IL15: variants seen among roughly 807,000 people sequenced by gnomAD.
IL15 encodes the protein interleukin 15.
Under a neutral mutation model 19.6 loss-of-function variants are expected in IL15, and 11 were observed. The observed-to-expected ratio is 0.56, with a 90% confidence interval of 0.35 to 0.93. The LOEUF (loss-of-function observed/expected upper bound fraction) is 0.93. Ranked by LOEUF, IL15 falls within the 40% of genes least tolerant of loss-of-function variation. The pLI is 0.01. For missense variants in IL15, 197 were observed against 186.5 expected, an observed-to-expected ratio of 1.06 and a Z score of -0.33; for synonymous variants, 58 against 59.6, an observed-to-expected ratio of 0.97 and a Z score of 0.12.
At chr4:141,705,838 A>C (rs1299337504) in intron 2 of IL15, among the ~76,000 whole-genome samples, 1 of 151,330 alleles carries the variant, frequency 6.6e-6, no homozygotes, top group Non-Finnish European at 1.5e-5. Flanking sequence ...GACCTTCTTT[A>C]CCTCTTTTTA....
rs753144428 is a variant in IL15, at chr4:141,732,836, CA to C, written c.479del (p.Asn160ThrfsTer7). 2 of 1,608,858 alleles carry C rather than the reference CA, an allele frequency of 1.2e-6. No homozygotes were observed. Among genetic ancestry groups the C allele is most frequent in the Non-Finnish European group, 1.7e-6 (2 of 1,178,634 alleles). Reference protein sequence around the residue: ...SFVHIVQMFINTS With the variant: ...SFVHIVQMFIXTS ...TTGTACATATTGTCCAAATGTTCAT[CA>C]ACACTTCTTGATTGCAATTGATTCT... On this transcript the variant is annotated frameshift_variant, in exon 8 of 8. Transcript: ENST00000320650. LOFTEE classifies it high-confidence loss of function.
rs765662590 is a variant in IL15 at position 141,732,858 on chromosome 4, A to T, written c.*10A>T. The T allele has an allele frequency of 6.2e-7, 1 of 1,604,760 alleles. No individual in the cohort carries two copies. Among genetic ancestry groups the T allele is most frequent in the East Asian group, 2.2e-5 (1 of 44,514 alleles). ...CATCAACACTTCTTGATTGCAATTG[A>T]TTCTTTTTAAAGTGTTTCTGTTATT... On this transcript the variant is annotated 3_prime_UTR_variant, in exon 8 of 8. Coordinates refer to ENST00000320650, the MANE Select transcript of IL15 (RefSeq NM_000585.5).
At chr4:141,653,133 G>C (rs1727467083) in intron 1 of IL15, among the ~76,000 whole-genome samples, 2 of 152,192 alleles carry the variant, frequency 1.3e-5, no homozygotes, top group Middle Eastern at 6.8e-3. Context: ...GGCACCACTG[G>C]AAAATTGTTT....
At chr4:141,660,935 C>T (rs2152161737) in intron 2 of IL15, among the ~76,000 whole-genome samples, 1 of 152,252 alleles carries the variant, frequency 6.6e-6, no homozygotes. Flanking sequence ...ACACCTTCAT[C>T]ATCTCTATGT....
At chr4:141,693,450 T>C (rs1380369972) in intron 2 of IL15, among the ~76,000 whole-genome samples, 1 of 152,216 alleles carries the variant, frequency 6.6e-6, no homozygotes, top group Non-Finnish European at 1.5e-5. Context: ...CCATAGTGCC[T>C]GACACATACG....
chr4:141,727,919 T>C (rs765293897), intron 5 of IL15, 21 bp from the exon 6 acceptor site: 1 of 1,025,210 alleles, frequency 9.8e-7, no homozygotes, highest in South Asian at 1.4e-5. Context: ...TTTAATATTG[T>C]CTAATTTTGT....
chr4:141,694,048 TAAA>T (rs1729011739), intron 2 of IL15, among the ~76,000 whole-genome samples: 1 of 152,188 alleles, frequency 6.6e-6, no homozygotes, highest in Non-Finnish European at 1.5e-5. Flanking sequence ...TGAGAAAGTT[TAAA>T]AAGGCAAGTA....
chr4:141,691,803 G>A (rs1728921641), intron 2 of IL15, among the ~76,000 whole-genome samples: 1 of 152,190 alleles, frequency 6.6e-6, no homozygotes, highest in African/African-American at 2.4e-5. Flanking sequence ...GTACCCATGG[G>A]TTTTCCAGGA....
chr4:141,672,602 A>G (rs1001760363), intron 2 of IL15, among the ~76,000 whole-genome samples: 9 of 152,200 alleles, frequency 5.9e-5, no homozygotes, highest in African/African-American at 1.9e-4. Context: ...GAAAACACAA[A>G]CTTGTCCATT....
chr4:141,704,120 T>C (rs1301127418), intron 2 of IL15, among the ~76,000 whole-genome samples: 1 of 152,190 alleles, frequency 6.6e-6, no homozygotes, highest in Non-Finnish European at 1.5e-5. Flanking sequence ...ATAGGCATCC[T>C]TGTCTTGTCT....
At chr4:141,674,242 A>G (rs1291398588) in intron 2 of IL15, among the ~76,000 whole-genome samples, 1 of 152,180 alleles carries the variant, frequency 6.6e-6, no homozygotes, top group Non-Finnish European at 1.5e-5. Context: ...TAGGATGCAA[A>G]TACAGATCAC....
chr4:141,669,558 T>C (rs1278752008), intron 2 of IL15, among the ~76,000 whole-genome samples: 1 of 152,020 alleles, frequency 6.6e-6, no homozygotes, highest in Non-Finnish European at 1.5e-5. Flanking sequence ...GGCTGCATCA[T>C]GTAGAATTTA....
intron 2 of IL15, among the ~76,000 whole-genome samples, chr4:141,661,612 AG>A (rs1279655628): frequency 6.6e-6 from 1 of 152,148 alleles, no homozygotes; most frequent in Non-Finnish European, 1.5e-5. Context: ...GATGCGGACA[AG>A]TTAACAGCCT....
intron 4 of IL15, chr4:141,720,978 T>A (rs1388079491): frequency 3.4e-6 from 2 of 587,564 alleles, no homozygotes; most frequent in African/African-American, 3.8e-5. Context: ...AACATTTCTT[T>A]CTTTATTTAA....
At chr4:141,706,013 C>T (rs1361162709) in intron 2 of IL15, among the ~76,000 whole-genome samples, 1 of 151,876 alleles carries the variant, frequency 6.6e-6, no homozygotes, top group Non-Finnish European at 1.5e-5. Flanking sequence ...CATTCAGCCA[C>T]TCTCTATCTT....
chr4:141,658,808 C>G (rs1422139012), intron 2 of IL15, among the ~76,000 whole-genome samples: 1 of 151,542 alleles, frequency 6.6e-6, no homozygotes, highest in Non-Finnish European at 1.5e-5. Context: ...TATTTATAAA[C>G]TGAAACTTAC....
rs1248807452 is a variant in IL15, at chr4:141,721,127, G to T, written c.110+561G>T. On this transcript the variant is annotated intron_variant, in intron 4 of 7. Transcript: ENST00000320650. ...GTTATATAATCTGACTCTCAGTTCA[G>T]TTTTACTCTACTAATGCCTTCATGG... 5.3e-6 allele frequency: 8 copies of T among 1,523,570 alleles called. No homozygotes were observed. The South Asian group carries it at 9.2e-5, about 17-fold the overall frequency. The allele number at this position is 1,523,570 out of a possible 1,614,324, so 94.4% of individuals were successfully genotyped here.
intron 5 of IL15, among the ~76,000 whole-genome samples, chr4:141,722,755 A>C (rs898827192): frequency 6.6e-6 from 1 of 152,186 alleles, no homozygotes; most frequent in African/African-American, 2.4e-5. Context: ...GACATTATAA[A>C]AAGTGCTTGA....
intron 2 of IL15, among the ~76,000 whole-genome samples, chr4:141,704,158 A>G (rs1327592339): frequency 6.6e-6 from 1 of 152,010 alleles, no homozygotes; most frequent in Non-Finnish European, 1.5e-5. Context: ...GCTTTCAGCA[A>G]TTCCCCCTTC....
Sources: allele counts gnomAD v4.1 joint callset (sites outside exome capture counted in the v4.1 genomes callset), GRCh38; gene constraint gnomAD v4.1.1; transcripts MANE v1.5; gene names NCBI Gene and HGNC (gene_info 2026-07-23, HGNC 2026-07-21).